The following MAST4 variants were observed in gnomAD, a reference collection of about 807,000 sequenced individuals.
The protein encoded by MAST4 is microtubule associated serine/threonine kinase family member 4, also known as microtubule-associated serine/threonine-protein kinase 4.
Under a neutral mutation model 162.7 loss-of-function variants are expected in MAST4, and 89 were observed. The ratio of observed to expected loss-of-function variants is 0.55; its 90% CI spans 0.46 to 0.65. The LOEUF (loss-of-function observed/expected upper bound fraction) is 0.65. Among genes scored for constraint, MAST4 ranks in the 30% least tolerant of loss-of-function variants. The pLI is 0.00. For synonymous variants in MAST4, 1,479 were observed against 1,361.1 expected, an observed-to-expected ratio of 1.09 and a Z score of -1.91; for missense variants, 3,153 against 3,374.0, an observed-to-expected ratio of 0.93 and a Z score of 1.62.
At chr5:67,043,283 A>G (rs866332282) in intron 4 of MAST4, among the ~76,000 whole-genome samples, 2 of 152,216 alleles carry the variant, frequency 1.3e-5, no homozygotes, top group African/African-American at 4.8e-5. Context: ...GAAGGCTGAA[A>G]TGGGTAAAAC....
At chr5:67,082,181 ACT>A (rs1286771122) in intron 5 of MAST4, among the ~76,000 whole-genome samples, 2 of 130,508 alleles carry the variant, frequency 1.5e-5, no homozygotes, top group African/African-American at 6.0e-5. Flanking sequence ...ACGGAGTCTC[ACT>A]CTGTCGTCAG....
intron 1 of MAST4, among the ~76,000 whole-genome samples, chr5:66,675,370 A>T (rs1747877116): frequency 6.6e-6 from 1 of 152,218 alleles, no homozygotes; most frequent in Admixed American, 6.5e-5. Context: ...GAAGAAGGGA[A>T]AGAGATTGCC....
chr5:67,127,367 G>A (rs1768375478), intron 14 of MAST4, among the ~76,000 whole-genome samples: 1 of 152,074 alleles, frequency 6.6e-6, no homozygotes, highest in Non-Finnish European at 1.5e-5. Flanking sequence ...ATTGGCTGTG[G>A]GTTTGTCATA....
chr5:66,624,137 T>G (rs1744255540), intron 1 of MAST4, among the ~76,000 whole-genome samples: 1 of 141,858 alleles, frequency 7.0e-6, no homozygotes, highest in East Asian at 2.2e-4. Flanking sequence ...GAATTAATAT[T>G]GTTAAAATGT....
chr5:66,768,603 G>T (rs921797633), intron 2 of MAST4, among the ~76,000 whole-genome samples: 3 of 152,224 alleles, frequency 2.0e-5, no homozygotes, highest in African/African-American at 4.8e-5. Flanking sequence ...AGAACTGGAG[G>T]ACTGATTCAT....
intron 25 of MAST4, 87 bp from the exon 26 acceptor site, chr5:67,153,371 A>G: frequency 1.5e-6 from 2 of 1,372,556 alleles, no homozygotes; most frequent in Non-Finnish European, 1.9e-6. Flanking sequence ...ACATTTGCTA[A>G]TTAACTCATT....
intron 4 of MAST4, among the ~76,000 whole-genome samples, chr5:67,051,018 G>T (rs775499012): frequency 2.0e-5 from 3 of 151,906 alleles, no homozygotes; most frequent in Non-Finnish European, 4.4e-5. Flanking sequence ...TCATTTTTGC[G>T]GTCATGTCCC....
chr5:66,995,144 C>A (rs1750486380), intron 4 of MAST4, among the ~76,000 whole-genome samples: 1 of 135,018 alleles, frequency 7.4e-6, no homozygotes, highest in African/African-American at 2.6e-5. Context: ...TTATAGAATT[C>A]CTGAGAGTAG....
intron 3 of MAST4, among the ~76,000 whole-genome samples, chr5:66,816,023 T>C (rs1382230158): frequency 1.3e-5 from 2 of 152,190 alleles, no homozygotes; most frequent in Non-Finnish European, 1.5e-5. Flanking sequence ...ACAGGACTTA[T>C]CCAGTTCACT....
At chr5:66,642,481 AT>A (rs1229479998) in intron 1 of MAST4, among the ~76,000 whole-genome samples, 1 of 152,168 alleles carries the variant, frequency 6.6e-6, no homozygotes, top group Non-Finnish European at 1.5e-5. Context: ...ATTACTATTC[AT>A]TTTTTTAGGT....
intron 4 of MAST4, among the ~76,000 whole-genome samples, chr5:66,969,326 G>A (rs145401698): frequency 6.6e-6 from 1 of 152,190 alleles, no homozygotes; most frequent in East Asian, 1.9e-4. Flanking sequence ...TATGGTGCCT[G>A]AGTCTTGGTC....
intron 3 of MAST4, among the ~76,000 whole-genome samples, chr5:66,837,864 T>TTATATATA (rs1209782576): frequency 7.3e-4 from 60 of 82,690 alleles, no homozygotes; most frequent in East Asian, 4.4e-3. Flanking sequence ...AGACTTGATT[T>TTATATATA]TATATATATA....
At chr5:66,800,401 A>G (rs184148736) in intron 3 of MAST4, among the ~76,000 whole-genome samples, 1 of 152,202 alleles carries the variant, frequency 6.6e-6, no homozygotes, top group African/African-American at 2.4e-5. Flanking sequence ...AGAAACATGG[A>G]TGGAGCTGGA....
intron 1 of MAST4, among the ~76,000 whole-genome samples, chr5:66,640,626 C>T (rs944815858): frequency 1.3e-5 from 2 of 152,124 alleles, no homozygotes; most frequent in African/African-American, 4.8e-5. Flanking sequence ...TTTATCCAGT[C>T]GTCAGTTGAT....
chr5:66,849,870 A>T (rs1181861495), intron 3 of MAST4, among the ~76,000 whole-genome samples: 1 of 152,230 alleles, frequency 6.6e-6, no homozygotes, highest in African/African-American at 2.4e-5. Context: ...GTTTAAAAAG[A>T]AATATAATTT....
intron 3 of MAST4, among the ~76,000 whole-genome samples, chr5:66,844,314 T>A (rs1758654943): frequency 6.6e-6 from 1 of 152,022 alleles, no homozygotes; most frequent in Non-Finnish European, 1.5e-5. Flanking sequence ...CAGGCACACA[T>A]TTATGTTCTT....
intron 5 of MAST4, among the ~76,000 whole-genome samples, chr5:67,075,597 A>G (rs936475386): frequency 7.3e-5 from 11 of 151,446 alleles, no homozygotes; most frequent in Non-Finnish European, 1.3e-4. Flanking sequence ...TATCTTTTAG[A>G]AAAAAAAAGT....
intron 1 of MAST4, among the ~76,000 whole-genome samples, chr5:66,696,515 C>G (rs1749411836): frequency 3.3e-5 from 5 of 152,056 alleles, no homozygotes; most frequent in Admixed American, 2.6e-4. Context: ...TTCTGTCATT[C>G]TCATAACTTG....
At chr5:66,864,862 T>C (rs1469150644) in intron 3 of MAST4, among the ~76,000 whole-genome samples, 2 of 152,242 alleles carry the variant, frequency 1.3e-5, no homozygotes, top group Non-Finnish European at 2.9e-5. Flanking sequence ...TTTATGATAC[T>C]GTGTTACAGC....
Sources: gnomAD v4.1 joint callset for allele counts (sites outside exome capture counted in the v4.1 genomes callset) on GRCh38, gnomAD v4.1.1 for gene constraint, MANE v1.5 for transcripts, NCBI Gene and HGNC (gene_info 2026-07-23, HGNC 2026-07-21) for gene names.